CACNA1E: variants seen among roughly 807,000 people sequenced by gnomAD.
CACNA1E encodes the protein voltage-dependent R-type calcium channel subunit alpha-1E.
CACNA1E carries 40 observed loss-of-function variants against 259.2 expected under a neutral mutation model. The ratio of observed to expected loss-of-function variants is 0.15; its 90% CI spans 0.12 to 0.20. The LOEUF is 0.20. Ranked by LOEUF, CACNA1E falls within the 10% of genes least tolerant of loss-of-function variation. The probability of loss-of-function intolerance (pLI) is 1.00; values close to 1 mark genes in which losing one functional copy is unlikely to be tolerated. For synonymous variants in CACNA1E, 1,104 were observed against 1,138.5 expected (o/e 0.97, Z 0.61); for missense variants, 1,874 against 3,040.1 (o/e 0.62, Z 9.02).
At position 181,709,187 on chromosome 1, in the gene CACNA1E, C is replaced by G. The variant is rs182673232; in HGVS notation, c.1056-1767C>G. ...ATGGTGATGTCATGAACCAAGCCAGCCCCTTGTTACTTTCAAATTTCTGAA... is the reference window on the plus strand; with the variant it reads ...ATGGTGATGTCATGAACCAAGCCAGGCCCTTGTTACTTTCAAATTTCTGAA... On this transcript the variant is annotated intron_variant, in intron 7 of 47. Coordinates refer to ENST00000367573, the MANE Select transcript of CACNA1E (RefSeq NM_001205293.3). Among the ~76,000 whole-genome samples the G allele has an allele frequency of 4.6e-5, 7 of 152,174 alleles. 1 individual carries two copies. In the South Asian group the frequency reaches 1.5e-3, roughly 32 times the overall value.
chr1:181,398,741 C>G (rs79408295), intron 1 of CACNA1E, among the ~76,000 whole-genome samples: 2,144 of 152,350 alleles, frequency 0.014, 55 homozygotes, highest in African/African-American at 0.049. Flanking sequence ...ACTTTCCATC[C>G]TGTCTCACTT....
At chr1:181,778,964 C>T (rs1660189503) in intron 38 of CACNA1E, among the ~76,000 whole-genome samples, 1 of 152,244 alleles carries the variant, frequency 6.6e-6, no homozygotes, top group African/African-American at 2.4e-5. Context: ...CTGCAGAAAG[C>T]CGCTGACTTC....
intron 1 of CACNA1E, among the ~76,000 whole-genome samples, chr1:181,395,992 T>C (rs1656655095): frequency 1.3e-5 from 2 of 152,234 alleles, no homozygotes; most frequent in Admixed American, 1.3e-4. Context: ...AGGTGGCTAG[T>C]CCTGACTCAT....
At chr1:181,549,217 T>C (rs1647856500) in intron 3 of CACNA1E, among the ~76,000 whole-genome samples, 2 of 152,062 alleles carry the variant, frequency 1.3e-5, no homozygotes, top group Non-Finnish European at 2.9e-5. Flanking sequence ...CCACCTGGTG[T>C]GGGTTTTCTT....
intron 1 of CACNA1E, among the ~76,000 whole-genome samples, chr1:181,388,024 T>TAAG (rs1483912580): frequency 6.6e-6 from 1 of 152,204 alleles, no homozygotes; most frequent in Non-Finnish European, 1.5e-5. Context: ...TGATGATAGC[T>TAAG]AAGAGTTCCT....
Position 181,732,421 on chromosome 1 carries a change from G to C in CACNA1E, c.2335G>C (p.Glu779Gln). ...RRRRHHMSVWEQRTSQLRKHM... is the reference protein window; with the variant it reads ...RRRRHHMSVWQQRTSQLRKHM... ...GCGCCGGCACCACATGTCCGTGTGG[G>C]AGCAGCGTACCAGCCAGCTGAGGAA... Residue 779 changes from glutamate (E) to glutamine (Q), a missense_variant, in exon 20 of 48, where the codon GAG (glutamate) becomes CAG (glutamine). Glu to Gln is a conservative substitution (Grantham distance 29, BLOSUM62 2). Around this residue, in one of 14 missense-constraint regions of CACNA1E, gnomAD observed 476 missense variants for 514.0 expected, o/e 0.93. Transcript: ENST00000367573. This position sits in a 1 kb window ranked among gnomAD's most constrained non-coding sequence, Gnocchi z 5.5. 6.5e-7 allele frequency: 1 copy of C among 1,545,286 alleles called. No individual in the cohort carries two copies. Among genetic ancestry groups the C allele is most frequent in the Non-Finnish European group, 8.7e-7 (1 of 1,144,078 alleles).
intron 7 of CACNA1E, among the ~76,000 whole-genome samples, chr1:181,670,844 A>G (rs1376621182): frequency 1.3e-5 from 2 of 152,158 alleles, no homozygotes; most frequent in Admixed American, 1.3e-4. Context: ...TGTTCTATTT[A>G]GATCAAGGTA....
At position 181,456,887 on chromosome 1, in the gene CACNA1E, C is replaced by T. The variant is rs74421105; in HGVS notation, c.435-26857C>T. Among the ~76,000 whole-genome samples the T allele has an allele frequency of 8.5e-3, 1,293 of 152,244 alleles. 22 individuals carry two copies. The highest frequency in any genetic ancestry group is 0.029 in the African/African-American group (1,219 of 41,548). ...AAGACTTTTTTCTCCCTTCCTCCTCCACCTGTCTTTCCCTAGAGATTTGAA... is the reference window on the plus strand; with the variant it reads ...AAGACTTTTTTCTCCCTTCCTCCTCTACCTGTCTTTCCCTAGAGATTTGAA... On this transcript the variant is annotated intron_variant, in intron 2 of 11. Coordinates refer to the CACNA1E transcript ENST00000524607.
chr1:181,525,470 A>AGCAAAGCCTAGGGGTAGT (rs1667285609), intron 3 of CACNA1E, among the ~76,000 whole-genome samples: 1 of 152,188 alleles, frequency 6.6e-6, no homozygotes, highest in South Asian at 2.1e-4. Context: ...TGTCATGCTT[A>AGCAAAGCCTAGGGGTAGT]TTTTTGTCCT....
chr1:181,547,372 T>A (rs1348513784), intron 3 of CACNA1E, among the ~76,000 whole-genome samples: 1 of 152,232 alleles, frequency 6.6e-6, no homozygotes, highest in Non-Finnish European at 1.5e-5. Flanking sequence ...TGATCTGCCC[T>A]CCTCTGGAAT....
chr1:181,551,401 A>T (rs762684556), intron 3 of CACNA1E, among the ~76,000 whole-genome samples: 15 of 152,174 alleles, frequency 9.9e-5, no homozygotes, highest in Non-Finnish European at 1.3e-4. Context: ...TGTGCAGCTG[A>T]GGTCCTCAAT....
At chr1:181,577,733 G>T in intron 3 of CACNA1E, 33 bp from the exon 4 acceptor site, 1 of 1,449,172 alleles carries the variant, frequency 6.9e-7, no homozygotes, top group Non-Finnish European at 9.6e-7. Context: ...AACCAGACTG[G>T]TAACCTTGAC....
At chr1:181,440,925 G>A (rs1251167420) in intron 2 of CACNA1E, among the ~76,000 whole-genome samples, 18 of 145,226 alleles carry the variant, frequency 1.2e-4, no homozygotes, top group African/African-American at 4.3e-4. Context: ...AGGCTGCAGT[G>A]AGCCATGGTC....
At chr1:181,796,950 A>G (rs1447416527) in intron 47 of CACNA1E, 92 bp downstream of exon 47, 1 of 877,034 alleles carries the variant, frequency 1.1e-6, no homozygotes, top group Admixed American at 2.8e-5. Flanking sequence ...TCGCAAACGC[A>G]TTCAAGTACC....
chr1:181,733,430 T>C lies in CACNA1E; in HGVS notation c.2949-7T>C. Reference sequence around the variant, plus strand: ...AGCACCAGCTCTCTCTTCCTCTCTCTTCACAGGACCAACAGTCTGATGGTG... The same window carrying C: ...AGCACCAGCTCTCTCTTCCTCTCTCCTCACAGGACCAACAGTCTGATGGTG... On this transcript the variant is annotated splice_region_variant and splice_polypyrimidine_tract_variant and intron_variant, in intron 20 of 47. Coordinates refer to ENST00000367573, the MANE Select transcript of CACNA1E (RefSeq NM_001205293.3). 1.3e-6 allele frequency: 2 copies of C among 1,503,750 alleles called. No homozygotes were observed. Among genetic ancestry groups the C allele is most frequent in the Non-Finnish European group, 8.9e-7 (1 of 1,125,700 alleles). 93.2% of individuals were successfully genotyped at this position (1,503,750 alleles called of 1,614,324 possible).
intron 2 of CACNA1E, among the ~76,000 whole-genome samples, chr1:181,431,263 G>A (rs1268712419): frequency 1.3e-5 from 2 of 152,202 alleles, no homozygotes; most frequent in Non-Finnish European, 2.9e-5. Flanking sequence ...CAGTGTGTAT[G>A]CTGTCTTGGT....
At chr1:181,763,285 A>G in intron 33 of CACNA1E, 121 bp from the exon 34 acceptor site, 1 of 837,470 alleles carries the variant, frequency 1.2e-6, no homozygotes, top group Non-Finnish European at 1.8e-6. Context: ...AATTGGGGTT[A>G]ACAAAGACAG....
intron 1 of CACNA1E, among the ~76,000 whole-genome samples, chr1:181,385,684 C>T (rs1655790816): frequency 6.6e-6 from 1 of 152,006 alleles, no homozygotes; most frequent in African/African-American, 2.4e-5. Context: ...TGCCCCTACC[C>T]CTTCCTTCCT....
intron 3 of CACNA1E, among the ~76,000 whole-genome samples, chr1:181,554,861 C>T (rs888725638): frequency 2.4e-4 from 36 of 152,140 alleles, no homozygotes; most frequent in African/African-American, 8.7e-4. Context: ...AGTGCTGGAT[C>T]TAAGTGAGCA....
Sources: gnomAD v4.1 joint callset for allele counts (sites outside exome capture counted in the v4.1 genomes callset) on GRCh38, gnomAD v4.1.1 for gene constraint, gnomAD v4.1.1 regional missense constraint, Gnocchi (gnomAD v3.1) non-coding constraint, MANE v1.5 for transcripts, NCBI Gene and HGNC (gene_info 2026-07-23, HGNC 2026-07-21) for gene names.